The following GRM8 variants were observed in gnomAD, a reference collection of about 807,000 sequenced individuals.
GRM8 encodes glutamate metabotropic receptor 8.
Under a neutral mutation model 87.2 loss-of-function variants are expected in GRM8, and 47 were observed. That is an observed-to-expected ratio of 0.54 (90% CI 0.43 to 0.69). The LOEUF (loss-of-function observed/expected upper bound fraction) is 0.69, where lower values mean the gene tolerates loss of function less well. Among genes scored for constraint, GRM8 ranks in the 30% least tolerant of loss-of-function variants. The probability of loss-of-function intolerance (pLI) is 0.00; values close to 1 mark genes in which losing one functional copy is unlikely to be tolerated. For missense variants in GRM8, 1,019 were observed against 1,139.2 expected, an observed-to-expected ratio of 0.89 and a Z score of 1.52; for synonymous variants, 396 against 404.5, an observed-to-expected ratio of 0.98 and a Z score of 0.25.
intron 3 of GRM8, among the ~76,000 whole-genome samples, chr7:126,995,805 G>A (rs1193704188): frequency 6.6e-6 from 1 of 151,966 alleles, no homozygotes; most frequent in Non-Finnish European, 1.5e-5. Flanking sequence ...TTTATTCAAT[G>A]GGATAATATA....
At chr7:126,950,608 T>A (rs950948623) in intron 3 of GRM8, among the ~76,000 whole-genome samples, 1 of 152,158 alleles carries the variant, frequency 6.6e-6, no homozygotes, top group Non-Finnish European at 1.5e-5. Context: ...GAGTAAAAAT[T>A]AGTACATTTA....
At chr7:126,957,889 C>T (rs372188741) in intron 3 of GRM8, among the ~76,000 whole-genome samples, 6 of 152,164 alleles carry the variant, frequency 3.9e-5, no homozygotes, top group Admixed American at 3.9e-4. Context: ...AGGTGGAGTC[C>T]GCAGCCAGAA....
chr7:126,688,077 T>G (rs1350681928), intron 7 of GRM8, among the ~76,000 whole-genome samples: 2 of 152,148 alleles, frequency 1.3e-5, no homozygotes, highest in South Asian at 4.1e-4. Flanking sequence ...TCCTATCACA[T>G]TCTGTGTCTT....
chr7:127,095,796 A>C (rs1824593054), intron 3 of GRM8: 1 of 152,134 alleles, frequency 6.6e-6, no homozygotes, highest in Non-Finnish European at 1.5e-5. Context: ...GCCTCCATTG[A>C]GGCAAAGATC....
At chr7:126,928,684 A>C (rs1164843705) in intron 3 of GRM8, among the ~76,000 whole-genome samples, 2 of 152,002 alleles carry the variant, frequency 1.3e-5, no homozygotes, top group African/African-American at 4.8e-5. Flanking sequence ...AAAAAAAAAA[A>C]AAAAAGTGCA....
At chr7:126,519,808 G>A (rs1584920002) in intron 9 of GRM8, among the ~76,000 whole-genome samples, 1 of 152,102 alleles carries the variant, frequency 6.6e-6, no homozygotes, top group African/African-American at 2.4e-5. Context: ...TCTAAAATAA[G>A]CATCTTAAAA....
At chr7:126,773,774 T>C (rs185598979) in intron 6 of GRM8, among the ~76,000 whole-genome samples, 116 of 152,202 alleles carry the variant, frequency 7.6e-4, no homozygotes, top group African/African-American at 2.7e-3. Context: ...GGTGGGAGGA[T>C]TGCTTGATGT....
chr7:126,499,369 G>A (rs1334506842), intron 9 of GRM8, among the ~76,000 whole-genome samples: 2 of 150,398 alleles, frequency 1.3e-5, no homozygotes, highest in African/African-American at 4.9e-5. Flanking sequence ...TGGTGATATT[G>A]TAAATTAGTA....
chr7:126,519,988 A>C (rs1812737527), intron 9 of GRM8, among the ~76,000 whole-genome samples: 1 of 151,950 alleles, frequency 6.6e-6, no homozygotes, highest in Admixed American at 6.6e-5. Flanking sequence ...TCTCTGAAAG[A>C]CAAAGATAAT....
intron 3 of GRM8, among the ~76,000 whole-genome samples, chr7:127,030,677 C>G (rs1218139953): frequency 6.6e-6 from 1 of 152,082 alleles, no homozygotes; most frequent in Non-Finnish European, 1.5e-5. Flanking sequence ...TTAACTACAT[C>G]CTAATGAAAC....
At chr7:127,195,211 A>C (rs1376269914) in intron 2 of GRM8, among the ~76,000 whole-genome samples, 1 of 152,208 alleles carries the variant, frequency 6.6e-6, no homozygotes, top group Non-Finnish European at 1.5e-5. Flanking sequence ...AAATTAGTTT[A>C]TCCTCTATTA....
chr7:126,689,579 T>G (rs1482602355), intron 7 of GRM8, among the ~76,000 whole-genome samples: 2 of 151,506 alleles, frequency 1.3e-5, no homozygotes, highest in Non-Finnish European at 2.9e-5. Flanking sequence ...GCCAGTAGAG[T>G]GTATGTGTGT....
intron 2 of GRM8, among the ~76,000 whole-genome samples, chr7:127,212,791 T>C (rs1796303216): frequency 6.6e-6 from 1 of 152,232 alleles, no homozygotes. Flanking sequence ...TAAGTTTTCA[T>C]ATCCTTATAG....
chr7:127,050,650 T>C (rs1819372555), intron 3 of GRM8, among the ~76,000 whole-genome samples: 1 of 151,868 alleles, frequency 6.6e-6, no homozygotes, highest in Non-Finnish European at 1.5e-5. Flanking sequence ...GGAGTGAGAG[T>C]GAACTTCAAT....
chr7:127,212,963 G>T (rs1233775749), intron 2 of GRM8, among the ~76,000 whole-genome samples: 1 of 152,194 alleles, frequency 6.6e-6, no homozygotes, highest in Admixed American at 6.5e-5. Flanking sequence ...TCAACAGATA[G>T]ATTTCTCTTC....
chr7:126,744,991 CTTA>C lies in GRM8; in HGVS notation c.1357+24871_1357+24873del, dbSNP rs1248218146. 5.3e-5 allele frequency among the ~76,000 whole-genome samples: 8 copies of C among 151,640 alleles called. No individual in the cohort carries two copies. In the East Asian group the frequency reaches 7.7e-4, roughly 15 times the overall value. ...ATTTATTATTATTTTTAGAATGTAA[CTTA>C]TTATTTTAAAATGAATCAAACACAT... On this transcript the variant is annotated intron_variant, in intron 7 of 10. Coordinates refer to ENST00000339582, the MANE Select transcript of GRM8 (RefSeq NM_000845.3).
intron 3 of GRM8, among the ~76,000 whole-genome samples, chr7:127,029,943 C>A (rs1259859297): frequency 6.6e-6 from 1 of 152,072 alleles, no homozygotes; most frequent in South Asian, 2.1e-4. Flanking sequence ...ATACAACAAA[C>A]ACACAACCTA....
intron 2 of GRM8, among the ~76,000 whole-genome samples, chr7:127,150,656 C>T (rs1828809511): frequency 6.6e-6 from 1 of 152,060 alleles, no homozygotes; most frequent in African/African-American, 2.4e-5. Context: ...AAAGTCACAT[C>T]CCAAACACAC....
chr7:126,613,767 G>T (rs1020544170), intron 7 of GRM8, among the ~76,000 whole-genome samples: 7 of 152,232 alleles, frequency 4.6e-5, no homozygotes, highest in African/African-American at 1.7e-4. Context: ...TGCCCACGGA[G>T]CCTCACTCAT....
Sources: allele counts gnomAD v4.1 joint callset (sites outside exome capture counted in the v4.1 genomes callset), GRCh38; gene constraint gnomAD v4.1.1; transcripts MANE v1.5; gene names NCBI Gene and HGNC (gene_info 2026-07-23, HGNC 2026-07-21).